Variants in TMEM178A observed in about 807,000 individuals in gnomAD.
The protein encoded by TMEM178A is transmembrane protein 178.
Under a neutral mutation model 29.1 loss-of-function variants are expected in TMEM178A, and 12 were observed. That is an observed-to-expected ratio of 0.41 (90% CI 0.26 to 0.67). The LOEUF (loss-of-function observed/expected upper bound fraction) is 0.67. TMEM178A is among the 30% of genes least tolerant of loss of function. The pLI, the probability that TMEM178A is intolerant of heterozygous loss-of-function variation, is 0.29. For synonymous variants in TMEM178A, 210 were observed against 187.2 expected, an observed-to-expected ratio of 1.12 and a Z score of -0.99; for missense variants, 366 against 419.1, an observed-to-expected ratio of 0.87 and a Z score of 1.11.
At chr2:39,669,269 A>C (rs2148051104) in intron 1 of TMEM178A, among the ~76,000 whole-genome samples, 1 of 152,322 alleles carries the variant, frequency 6.6e-6, no homozygotes. Context: ...TGAGGAGTGC[A>C]GGGAAGAAAA....
rs771181132 is a variant in TMEM178A, at chr2:39,707,077, C to G, written c.543C>G (p.Leu181=). 2 of 1,612,714 alleles carry G rather than the reference C, an allele frequency of 1.2e-6. No homozygotes were observed. Among genetic ancestry groups the G allele is most frequent in the Non-Finnish European group, 1.7e-6 (2 of 1,179,538 alleles). ...TAAGAAGAATCACTGCTGGCTTCCT[C>G]GGCATGGCCGTAGCCGTCCTTCTCT... is the stretch of plus-strand genomic sequence containing the variant. ...LHLRRITAGF[L]GMAVAVLLCG... The change falls in exon 3 of 4, where the codon CTC becomes CTG. Residue 181 remains leucine (L), a synonymous_variant. Transcript: ENST00000281961.
At chr2:39,675,744 A>G (rs1012720417) in intron 1 of TMEM178A, among the ~76,000 whole-genome samples, 1 of 152,114 alleles carries the variant, frequency 6.6e-6, no homozygotes, top group Non-Finnish European at 1.5e-5. Context: ...ATTCATCCAT[A>G]CATGCAGTCT....
intron 3 of TMEM178A, among the ~76,000 whole-genome samples, chr2:39,712,646 G>A (rs1017016212): frequency 6.6e-6 from 1 of 151,840 alleles, no homozygotes; most frequent in Non-Finnish European, 1.5e-5. Context: ...TAAGGACCGA[G>A]CTCAGGACTC....
At chr2:39,688,235 A>G (rs1479081295) in intron 1 of TMEM178A, among the ~76,000 whole-genome samples, 1 of 152,262 alleles carries the variant, frequency 6.6e-6, no homozygotes, top group Non-Finnish European at 1.5e-5. Context: ...ATAACATGCT[A>G]TATAATCAAT....
chr2:39,704,663 CAATG>C (rs1230932205), intron 2 of TMEM178A, among the ~76,000 whole-genome samples: 1 of 152,110 alleles, frequency 6.6e-6, no homozygotes, highest in African/African-American at 2.4e-5. Flanking sequence ...GTCTACATCT[CAATG>C]AAAGGAACTA....
At chr2:39,721,792 A>G (rs1187896133), downstream of TMEM178A, among the ~76,000 whole-genome samples, 2 of 152,076 alleles carry the variant, frequency 1.3e-5, no homozygotes, top group Non-Finnish European at 2.9e-5. Context: ...CCAGGTATTC[A>G]AGACCAGGCT....
the TMEM178A span, among the ~76,000 whole-genome samples, chr2:39,735,117 A>G: frequency 6.6e-6 from 1 of 152,196 alleles, no homozygotes; most frequent in Non-Finnish European, 1.5e-5. Flanking sequence ...AGTGGTTTTG[A>G]GTAAAAGCTA....
At chr2:39,718,980 C>T (rs960647904), downstream of TMEM178A, among the ~76,000 whole-genome samples, 1 of 152,168 alleles carries the variant, frequency 6.6e-6, no homozygotes, top group Non-Finnish European at 1.5e-5. Flanking sequence ...ATCATCTACT[C>T]CCAAAGGATA....
Position 39,666,189 on chromosome 2 carries a change from C to A in TMEM178A, c.215C>A (p.Pro72Gln), listed in dbSNP as rs1470854616. ...LSHLPLRDSPPLGRRLLPGGP... is the reference protein window; with the variant it reads ...LSHLPLRDSPQLGRRLLPGGP... ...CACCTGCCGCTGCGGGACTCGCCCC[C>A]GCTGGGGCGCCGGCTGCTCCCGGGC... Residue 72 changes from proline (P) to glutamine (Q), a missense_variant, in exon 1 of 4, where the codon CCG becomes CAG. Transcript: ENST00000281961. 8.3e-6 allele frequency: 12 copies of A among 1,443,994 alleles called. No individual in the cohort carries two copies. Among genetic ancestry groups the A allele is most frequent in the Non-Finnish European group, 1.1e-5 (12 of 1,102,742 alleles). The allele number at this position is 1,443,994 out of a possible 1,614,324, so 89.4% of individuals were successfully genotyped here. A position where few individuals can be genotyped will look rare whatever the true frequency, so the allele number is the denominator to read the frequency against.
chr2:39,667,335 A>ATT (rs3032158), intron 1 of TMEM178A, among the ~76,000 whole-genome samples: 1 of 141,280 alleles, frequency 7.1e-6, no homozygotes, highest in Non-Finnish European at 1.6e-5. Context: ...AGATAGTTTG[A>ATT]TTTTTTTTTT....
intron 1 of TMEM178A, among the ~76,000 whole-genome samples, chr2:39,681,507 A>G (rs574320550): frequency 1.3e-5 from 2 of 152,366 alleles, no homozygotes; most frequent in South Asian, 2.1e-4. Context: ...GTGATGGGAA[A>G]GAGGGGGAGA....
intron 1 of TMEM178A, among the ~76,000 whole-genome samples, chr2:39,685,484 C>T (rs1185676397): frequency 1.3e-5 from 2 of 152,182 alleles, no homozygotes; most frequent in African/African-American, 4.8e-5. Flanking sequence ...TCTCTAGACT[C>T]TAAGCTCTGT....
intron 1 of TMEM178A, among the ~76,000 whole-genome samples, chr2:39,701,740 A>G (rs1487224123): frequency 6.6e-6 from 1 of 151,276 alleles, no homozygotes; most frequent in Admixed American, 6.6e-5. Context: ...TTTGTTCTTT[A>G]TTTTTCTCAG....
At chr2:39,708,856 G>C (rs1438775726) in intron 3 of TMEM178A, among the ~76,000 whole-genome samples, 1 of 152,122 alleles carries the variant, frequency 6.6e-6, no homozygotes, top group Non-Finnish European at 1.5e-5. Flanking sequence ...GGTAGCTTCA[G>C]GGAAGAAATC....
At chr2:39,707,246 C>A in intron 3 of TMEM178A, 60 bp downstream of exon 3, 1 of 1,524,396 alleles carries the variant, frequency 6.6e-7, no homozygotes, top group Non-Finnish European at 8.8e-7. Context: ...CTGCATGCGG[C>A]TAGCTAGTGT....
Position 39,693,045 on chromosome 2 carries a change from C to T in TMEM178A, c.401-11036C>T, listed in dbSNP as rs59398751. ...AGGAGAATGGCTTGAACCCGGGAGG[C>T]GGAGCTTGCAGTGAGCGGAGACCGT... is the stretch of plus-strand genomic sequence containing the variant. On this transcript the variant is annotated intron_variant, in intron 1 of 3. Coordinates refer to ENST00000281961, the MANE Select transcript of TMEM178A (RefSeq NM_152390.3). Among the ~76,000 whole-genome samples the T allele has an allele frequency of 4.5e-3, 680 of 152,094 alleles. 6 individuals carry two copies. Among genetic ancestry groups the T allele is most frequent in the African/African-American group, 0.012 (518 of 41,490 alleles).
At chr2:39,705,656 G>T (rs749107993) in intron 2 of TMEM178A, among the ~76,000 whole-genome samples, 1 of 152,190 alleles carries the variant, frequency 6.6e-6, no homozygotes, top group Non-Finnish European at 1.5e-5. Flanking sequence ...AAAAGGGATG[G>T]TCTCTCTGTG....
intron 1 of TMEM178A, among the ~76,000 whole-genome samples, chr2:39,680,597 T>C (rs1295142667): frequency 6.6e-6 from 1 of 152,206 alleles, no homozygotes; most frequent in African/African-American, 2.4e-5. Context: ...AAGTTATACC[T>C]GGTGTCAGGA....
intron 1 of TMEM178A, among the ~76,000 whole-genome samples, chr2:39,671,217 G>A (rs1670395570): frequency 6.6e-6 from 1 of 152,130 alleles, no homozygotes; most frequent in Non-Finnish European, 1.5e-5. Context: ...AATTCATTGG[G>A]TCTGCTTTTC....
Sources: gnomAD v4.1 joint callset for allele counts (sites outside exome capture counted in the v4.1 genomes callset) on GRCh38, gnomAD v4.1.1 for gene constraint, MANE v1.5 for transcripts, NCBI Gene and HGNC (gene_info 2026-07-23, HGNC 2026-07-21) for gene names.